CALD1: variants seen among roughly 807,000 people sequenced by gnomAD.
CALD1 encodes caldesmon 1.
CALD1 carries 33 observed loss-of-function variants against 99.9 expected under a neutral mutation model. The ratio of observed to expected loss-of-function variants is 0.33; its 90% CI spans 0.25 to 0.44. The LOEUF (loss-of-function observed/expected upper bound fraction) is 0.44, where lower values mean the gene tolerates loss of function less well. Among genes scored for constraint, CALD1 ranks in the 20% least tolerant of loss-of-function variants. CALD1 has a pLI of 1.00. For synonymous variants in CALD1, 310 were observed against 325.0 expected (o/e 0.95, Z 0.50); for missense variants, 861 against 962.1 (o/e 0.89, Z 1.39).
chr7:134,925,129 A>G (rs1200429217), intron 3 of CALD1, among the ~76,000 whole-genome samples: 1 of 152,158 alleles, frequency 6.6e-6, no homozygotes, highest in Non-Finnish European at 1.5e-5. Flanking sequence ...ATGGGCTCCC[A>G]ATGGAGAATG....
chr7:134,818,616 A>G (rs549181054), intron 1 of CALD1, among the ~76,000 whole-genome samples: 5 of 152,168 alleles, frequency 3.3e-5, no homozygotes, highest in African/African-American at 4.8e-5. Context: ...GATGAAGCCA[A>G]TTTTTCATAG....
chr7:134,906,750 G>T (rs757361113), intron 3 of CALD1, among the ~76,000 whole-genome samples: 1 of 152,174 alleles, frequency 6.6e-6, no homozygotes, highest in Non-Finnish European at 1.5e-5. Flanking sequence ...CTCACTAGCA[G>T]CATAAACCCA....
chr7:134,903,850 AG>A (rs1333675056), intron 3 of CALD1, among the ~76,000 whole-genome samples: 2 of 152,108 alleles, frequency 1.3e-5, no homozygotes, highest in Admixed American at 1.3e-4. Flanking sequence ...CATTTTTTGG[AG>A]GACACAACTG....
chr7:134,951,299 G>C (rs193256892), intron 9 of CALD1, among the ~76,000 whole-genome samples: 1 of 152,198 alleles, frequency 6.6e-6, no homozygotes, highest in African/African-American at 2.4e-5. Context: ...ATGGAAAGGA[G>C]GGACAGTAGT....
chr7:134,967,374 C>T (rs1428028477), intron 14 of CALD1, among the ~76,000 whole-genome samples: 2 of 152,142 alleles, frequency 1.3e-5, no homozygotes, highest in African/African-American at 4.8e-5. Context: ...TTTCTTGTTA[C>T]TCAGTCATTC....
upstream of CALD1, among the ~76,000 whole-genome samples, chr7:134,776,491 CTT>C (rs1796919843): frequency 6.6e-6 from 1 of 152,108 alleles, no homozygotes; most frequent in Admixed American, 6.5e-5. Flanking sequence ...GGTCTTATCT[CTT>C]TTTTCCACAC....
At chr7:134,792,165 T>A (rs1195897764) in intron 1 of CALD1, among the ~76,000 whole-genome samples, 1 of 152,166 alleles carries the variant, frequency 6.6e-6, no homozygotes, top group Non-Finnish European at 1.5e-5. Context: ...GCAGGGTTGG[T>A]TCCTTCAAGG....
At chr7:134,837,009 C>T (rs1381509876) in intron 1 of CALD1, among the ~76,000 whole-genome samples, 4 of 151,816 alleles carry the variant, frequency 2.6e-5, no homozygotes, top group African/African-American at 7.3e-5. Flanking sequence ...ATCTTTTGTA[C>T]TATCATAGAA....
At chr7:134,752,000 T>C (rs1796689690) in intron 1 of CALD1, among the ~76,000 whole-genome samples, 1 of 152,146 alleles carries the variant, frequency 6.6e-6, no homozygotes, top group African/African-American at 2.4e-5. Context: ...TCATCTATAC[T>C]CTTGAGTCCT....
At chr7:134,887,137 A>G (rs1474293135) in intron 3 of CALD1, among the ~76,000 whole-genome samples, 1 of 152,222 alleles carries the variant, frequency 6.6e-6, no homozygotes, top group Non-Finnish European at 1.5e-5. Flanking sequence ...GCTGGTGAAG[A>G]ACCACTGGAA....
At chr7:134,725,287 C>A in the CALD1 span, among the ~76,000 whole-genome samples, 2 of 152,198 alleles carry the variant, frequency 1.3e-5, no homozygotes, top group East Asian at 1.9e-4. Context: ...TCTCCTCAGG[C>A]CTGTCATCCA....
chr7:134,922,326 A>C (rs992998863), intron 3 of CALD1, among the ~76,000 whole-genome samples: 4 of 152,212 alleles, frequency 2.6e-5, no homozygotes, highest in African/African-American at 9.6e-5. Context: ...TTTAATTTTT[A>C]AACATGGCTT....
At chr7:134,946,563 T>C (rs564246149) in intron 7 of CALD1, among the ~76,000 whole-genome samples, 1 of 152,230 alleles carries the variant, frequency 6.6e-6, no homozygotes, top group Non-Finnish European at 1.5e-5. Flanking sequence ...ATCCCTCATA[T>C]AAGTGGAATC....
intron 1 of CALD1, among the ~76,000 whole-genome samples, chr7:134,803,135 G>A (rs1798008920): frequency 1.3e-5 from 2 of 152,080 alleles, no homozygotes; most frequent in Admixed American, 1.3e-4. Context: ...TTTGTCTAAT[G>A]ACAAATGATA....
At chr7:134,861,540 T>C (rs1800564582) in intron 2 of CALD1, among the ~76,000 whole-genome samples, 1 of 152,106 alleles carries the variant, frequency 6.6e-6, no homozygotes, top group African/African-American at 2.4e-5. Flanking sequence ...GATTCAAGGT[T>C]GAAGATGGGT....
intron 3 of CALD1, among the ~76,000 whole-genome samples, chr7:134,888,426 G>C (rs1179587826): frequency 1.3e-5 from 2 of 152,208 alleles, no homozygotes; most frequent in African/African-American, 2.4e-5. Context: ...ACACAGGCCT[G>C]TAGGTCTCTG....
chr7:134,878,031 C>T (rs1040930107), intron 3 of CALD1, among the ~76,000 whole-genome samples: 7 of 152,168 alleles, frequency 4.6e-5, no homozygotes, highest in Admixed American at 4.6e-4. Context: ...AGACCTAGAA[C>T]ATTTCCAATG....
intron 8 of CALD1, among the ~76,000 whole-genome samples, chr7:134,948,662 A>G (rs945120667): frequency 2.6e-5 from 4 of 152,162 alleles, no homozygotes; most frequent in Admixed American, 1.3e-4. Context: ...GCGATCTCCC[A>G]TCATTCAAAA....
At chr7:134,952,765 G>A (rs529848572) in intron 9 of CALD1, among the ~76,000 whole-genome samples, 15 of 152,116 alleles carry the variant, frequency 9.9e-5, no homozygotes, top group South Asian at 2.1e-4. Context: ...CACCATGCCC[G>A]GCTCACTTAG....
Sources: gnomAD v4.1 joint callset for allele counts (sites outside exome capture counted in the v4.1 genomes callset) on GRCh38, gnomAD v4.1.1 for gene constraint, MANE v1.5 for transcripts, NCBI Gene and HGNC (gene_info 2026-07-23, HGNC 2026-07-21) for gene names.